ARMC10: variants seen among roughly 807,000 people sequenced by gnomAD.
ARMC10 encodes armadillo repeat-containing protein 10.
Under a neutral mutation model 30.2 loss-of-function variants are expected in ARMC10, and 23 were observed. The observed-to-expected ratio is 0.76, with a 90% confidence interval of 0.55 to 1.08. The LOEUF (loss-of-function observed/expected upper bound fraction) is 1.08, where lower values mean the gene tolerates loss of function less well. Among genes scored for constraint, ARMC10 ranks in the 50% least tolerant of loss-of-function variants. The probability of loss-of-function intolerance (pLI) is 0.00; values close to 1 mark genes in which losing one functional copy is unlikely to be tolerated. For missense variants in ARMC10, 303 were observed against 413.7 expected (o/e 0.73, Z 2.32); for synonymous variants, 111 against 164.4 (o/e 0.68, Z 2.48).
chr7:103,086,594 C>T (rs753369485), intron 3 of ARMC10, 36 bp from the exon 4 acceptor site: 2 of 1,570,830 alleles, frequency 1.3e-6, no homozygotes, highest in Non-Finnish European at 1.7e-6. Flanking sequence ...ATACTGAAGT[C>T]CCAGTCCTGC....
intron 6 of ARMC10, 102 bp downstream of exon 6, chr7:103,097,450 C>G: frequency 1.2e-6 from 1 of 859,030 alleles, no homozygotes; most frequent in Non-Finnish European, 1.8e-6. Flanking sequence ...CAGGGATTCT[C>G]TCTGAGGAGC....
intron 4 of ARMC10, among the ~76,000 whole-genome samples, chr7:103,091,884 C>T (rs1194824442): frequency 6.6e-6 from 1 of 152,174 alleles, no homozygotes; most frequent in African/African-American, 2.4e-5. Flanking sequence ...ACTTAAAAGT[C>T]CTTGTCTGCA....
chr7:103,079,966 T>C (rs1018669842), intron 2 of ARMC10, among the ~76,000 whole-genome samples: 1 of 152,194 alleles, frequency 6.6e-6, no homozygotes, highest in Non-Finnish European at 1.5e-5. Context: ...ATCTTGAAAT[T>C]TGTCTTGCTA....
rs890782692 is a variant in ARMC10, at chr7:103,099,248, A to C, written c.*695A>C. The C allele has an allele frequency of 2.0e-5, 3 of 149,170 alleles. No individual in the cohort carries two copies. Among genetic ancestry groups the C allele is most frequent in the South Asian group, 4.4e-4 (2 of 4,534 alleles). 9.2% of individuals were successfully genotyped at this position (149,170 alleles called of 1,614,324 possible). On this transcript the variant is annotated 3_prime_UTR_variant, in exon 7 of 7. Transcript: ENST00000323716. ...CACTTTGGGAGGCTGAGGCGGGCAG[A>C]TCACCTGAGATCGGGAGTTTGAGAC...
At chr7:103,092,432 A>C (rs1801425938) in intron 4 of ARMC10, 45 bp from the exon 5 acceptor site, 1 of 1,473,858 alleles carries the variant, frequency 6.8e-7, no homozygotes, top group African/African-American at 1.4e-5. Flanking sequence ...TCAGTAGAAA[A>C]ATTTTGGAGA....
At chr7:103,082,752 A>G (rs1321719993) in intron 2 of ARMC10, among the ~76,000 whole-genome samples, 4 of 152,124 alleles carry the variant, frequency 2.6e-5, no homozygotes, top group African/African-American at 9.7e-5. Flanking sequence ...AGTGTTATAA[A>G]ATGGCTTCTG....
chr7:103,075,672 C>G, intron 1 of ARMC10, 105 bp from the exon 2 acceptor site: 2 of 955,878 alleles, frequency 2.1e-6, no homozygotes, highest in South Asian at 1.9e-5. Context: ...TTGATGGCCT[C>G]TCATTTTAAA....
intron 4 of ARMC10, among the ~76,000 whole-genome samples, chr7:103,091,488 T>TTATATATA (rs71110812): frequency 1.7e-4 from 5 of 29,004 alleles, no homozygotes; most frequent in African/African-American, 1.9e-4. Flanking sequence ...AAGGGGTGAA[T>TTATATATA]TATATATATA....
At chr7:103,078,682 T>C (rs1800112825) in intron 2 of ARMC10, among the ~76,000 whole-genome samples, 1 of 152,202 alleles carries the variant, frequency 6.6e-6, no homozygotes, top group South Asian at 2.1e-4. Flanking sequence ...TTTGTTTTTT[T>C]TTGAGACGGA....
At chr7:103,095,384 G>A (rs147595650) in intron 5 of ARMC10, among the ~76,000 whole-genome samples, 9 of 152,310 alleles carry the variant, frequency 5.9e-5, no homozygotes, top group East Asian at 5.8e-4. Context: ...ATGCGCCACC[G>A]CACCTGGCCA....
chr7:103,083,979 A>C, intron 3 of ARMC10, 149 bp downstream of exon 3: 1 of 1,472,622 alleles, frequency 6.8e-7, no homozygotes, highest in Non-Finnish European at 9.1e-7. Flanking sequence ...ATGTTTGTTT[A>C]CTTCTGAAAA....
rs372227710 is a variant in ARMC10 at position 103,083,680 on chromosome 7, A to G, written c.245-2A>G. The stretch of plus-strand genomic sequence containing the variant: ...ACTTCAAATAACTTTCTTCTTATGC[A>G]GAAGACTTAACTGATGGTTCATATG... On this transcript the variant is annotated splice_acceptor_variant, in intron 2 of 6. Coordinates refer to ENST00000323716, the MANE Select transcript of ARMC10 (RefSeq NM_031905.5). LOFTEE classifies it high-confidence loss of function. 3.7e-6 allele frequency: 6 copies of G among 1,603,964 alleles called. No homozygotes were observed. The highest frequency in any genetic ancestry group is 1.7e-4 in the Middle Eastern group (1 of 5,804).
intron 2 of ARMC10, among the ~76,000 whole-genome samples, chr7:103,077,932 A>T (rs1013730868): frequency 3.9e-5 from 6 of 152,180 alleles, no homozygotes; most frequent in African/African-American, 1.4e-4. Context: ...ATCATTGAAG[A>T]AGACTTGAGA....
chr7:103,085,606 C>CTTCTTTTTTTTTTT (rs1563322299), intron 3 of ARMC10, among the ~76,000 whole-genome samples: 10 of 130,540 alleles, frequency 7.7e-5, no homozygotes, highest in Non-Finnish European at 9.9e-5. Context: ...CATTTCTCTT[C>CTTCTTTTTTTTTTT]TTTTTTTTTT....
intron 2 of ARMC10, among the ~76,000 whole-genome samples, chr7:103,082,364 T>C (rs1410228529): frequency 6.7e-6 from 1 of 150,246 alleles, no homozygotes; most frequent in Non-Finnish European, 1.5e-5. Flanking sequence ...TTGAGCAATA[T>C]ACTTAGTTAT....
rs772526195 is a variant in ARMC10, at chr7:103,083,722, T to C, written c.285T>C (p.Ala95=). The change falls in exon 3 of 7, where the codon GCT becomes GCC. Residue 95 remains alanine (A), a synonymous_variant. Coordinates refer to ENST00000323716, the MANE Select transcript of ARMC10 (RefSeq NM_031905.5). Reference sequence around the variant, plus strand: ...GTTCATATGATGATGTTCTAAATGCTGAACAACTTCAGAAACTCCTTTACC... The same window carrying C: ...GTTCATATGATGATGTTCTAAATGCCGAACAACTTCAGAAACTCCTTTACC... ...TDGSYDDVLN[A]EQLQKLLYLL... is the part of the protein sequence containing the mutation. 7.4e-6 allele frequency: 12 copies of C among 1,613,444 alleles called. No individual in the cohort carries two copies. Among genetic ancestry groups the C allele is most frequent in the Admixed American group, 1.7e-5 (1 of 60,010 alleles).
chr7:103,095,159 G>A (rs1801656979), intron 5 of ARMC10, among the ~76,000 whole-genome samples: 1 of 152,206 alleles, frequency 6.6e-6, no homozygotes, highest in South Asian at 2.1e-4. Context: ...AGATTGCAGT[G>A]GCATGATCTC....
At chr7:103,086,393 A>C (rs115820408) in intron 3 of ARMC10, among the ~76,000 whole-genome samples, 2,683 of 152,166 alleles carry the variant, frequency 0.018, 80 homozygotes, top group African/African-American at 0.061. Flanking sequence ...GTATTTCTCA[A>C]CATTGTAGTT....
chr7:103,075,799 A>AG lies in ARMC10; in HGVS notation c.163dup (p.Glu55GlyfsTer28). On this transcript the variant is annotated frameshift_variant, in exon 2 of 7. Coordinates refer to ENST00000323716, the MANE Select transcript of ARMC10 (RefSeq NM_031905.5). LOFTEE classifies it high-confidence loss of function. ...CAGGTGCCCTGGAAGAAGGGACGTC[A>AG]GAGGGTCAGTTGTGCGGGCGCTCGG... 2 of 1,610,270 alleles carry AG rather than the reference A, an allele frequency of 1.2e-6. No homozygotes were observed. The highest frequency in any genetic ancestry group is 1.7e-6 in the Non-Finnish European group (2 of 1,178,414).
Sources: gnomAD v4.1 joint callset for allele counts (sites outside exome capture counted in the v4.1 genomes callset) on GRCh38, gnomAD v4.1.1 for gene constraint, MANE v1.5 for transcripts, NCBI Gene and HGNC (gene_info 2026-07-23, HGNC 2026-07-21) for gene names.